FAM78B: variants seen among roughly 807,000 people sequenced by gnomAD.
FAM78B encodes the protein family with sequence similarity 78 member B, also known as protein FAM78B.
FAM78B carries 10 observed loss-of-function variants against 20.0 expected under a neutral mutation model. The observed-to-expected ratio is 0.50, with a 90% CI of 0.31 to 0.85. FAM78B has a LOEUF of 0.85. Ranked by LOEUF, FAM78B falls within the 40% of genes least tolerant of loss-of-function variation. The pLI is 0.05. For synonymous variants in FAM78B, 135 were observed against 132.8 expected (o/e 1.02, Z -0.12); for missense variants, 283 against 345.0 (o/e 0.82, Z 1.42).
At chr1:166,088,034 G>C (rs1385215543) in intron 1 of FAM78B, among the ~76,000 whole-genome samples, 2 of 152,090 alleles carry the variant, frequency 1.3e-5, no homozygotes, top group Non-Finnish European at 2.9e-5. Context: ...AAGTCAGCCT[G>C]CCCCAACGCA....
chr1:166,116,958 G>T (rs1397070522), intron 1 of FAM78B, among the ~76,000 whole-genome samples: 2 of 152,244 alleles, frequency 1.3e-5, no homozygotes, highest in South Asian at 2.1e-4. Context: ...CTTGGCTAAG[G>T]GGTCACCACA....
intron 1 of FAM78B, among the ~76,000 whole-genome samples, chr1:166,097,345 C>T (rs1055331453): frequency 2.0e-5 from 3 of 152,148 alleles, no homozygotes; most frequent in Admixed American, 6.5e-5. Flanking sequence ...TTGAATAGGG[C>T]GAGAAGCCTC....
At chr1:166,121,198 G>A (rs1006396741) in intron 1 of FAM78B, among the ~76,000 whole-genome samples, 8 of 152,144 alleles carry the variant, frequency 5.3e-5, no homozygotes, top group African/African-American at 1.7e-4. Flanking sequence ...AACACACATC[G>A]GTGTGGACAC....
At chr1:166,086,979 G>C (rs1043300824) in intron 1 of FAM78B, 2 of 152,192 alleles carry the variant, frequency 1.3e-5, no homozygotes, top group Non-Finnish European at 2.9e-5. Flanking sequence ...TGAGATGTCT[G>C]TCTCAGTGAT....
chr1:166,094,868 AG>A (rs1653216438), intron 1 of FAM78B, among the ~76,000 whole-genome samples: 1 of 152,180 alleles, frequency 6.6e-6, no homozygotes, highest in South Asian at 2.1e-4. Context: ...TGAATGCTGG[AG>A]GGTTTAGAGC....
chr1:166,096,573 T>C (rs1006274612), intron 1 of FAM78B, among the ~76,000 whole-genome samples: 13 of 152,244 alleles, frequency 8.5e-5, no homozygotes, highest in Admixed American at 5.2e-4. Context: ...CTATGTGACC[T>C]AGGGCGAGTC....
intron 1 of FAM78B, among the ~76,000 whole-genome samples, chr1:166,130,340 C>T (rs185090040): frequency 1.5e-3 from 225 of 152,308 alleles, no homozygotes; most frequent in Non-Finnish European, 2.6e-3. Flanking sequence ...TCTGCTTCTA[C>T]GTAAGTATAG....
downstream of FAM78B, among the ~76,000 whole-genome samples, chr1:166,067,278 G>A (rs931447581): frequency 1.3e-5 from 2 of 152,070 alleles, no homozygotes; most frequent in African/African-American, 4.8e-5. Flanking sequence ...AATTTAACGA[G>A]GCCTCAAATT....
chr1:166,117,364 TTTA>T (rs1158857465), intron 1 of FAM78B, among the ~76,000 whole-genome samples: 1 of 152,176 alleles, frequency 6.6e-6, no homozygotes, highest in Non-Finnish European at 1.5e-5. Flanking sequence ...CTTTTTTTCT[TTTA>T]TTATTATTTT....
At chr1:166,098,503 G>A (rs1207046105) in intron 1 of FAM78B, among the ~76,000 whole-genome samples, 3 of 152,028 alleles carry the variant, frequency 2.0e-5, no homozygotes, top group Admixed American at 1.3e-4. Context: ...GACACAAAAA[G>A]TGAAGGGAGA....
rs1375779960 is a variant in FAM78B, at chr1:166,069,668, C to G, written c.*573G>C. On this transcript the variant is annotated 3_prime_UTR_variant, in exon 2 of 2. Transcript: ENST00000354422. ...CAAATATCAGTATTTGTCTAGTTTT[C>G]TAAGCATTCATTCCATTGAGTGTGT... The G allele has an allele frequency of 1.3e-5, 2 of 152,270 alleles. No homozygotes were observed. Among genetic ancestry groups the G allele is most frequent in the Non-Finnish European group, 2.9e-5 (2 of 68,076 alleles). 9.4% of individuals were successfully genotyped at this position (152,270 alleles called of 1,614,324 possible).
At chr1:166,112,406 A>G (rs1383386769) in intron 1 of FAM78B, among the ~76,000 whole-genome samples, 1 of 152,236 alleles carries the variant, frequency 6.6e-6, no homozygotes, top group African/African-American at 2.4e-5. Context: ...TTAGGTCAAC[A>G]GTCTGAATTA....
intron 1 of FAM78B, among the ~76,000 whole-genome samples, chr1:166,163,485 A>G (rs1264214844): frequency 2.0e-5 from 3 of 152,234 alleles, no homozygotes; most frequent in Admixed American, 6.5e-5. Context: ...CCTCTGGCAC[A>G]ATCCTTTTCA....
At chr1:166,164,005 C>T (rs1246386884) in intron 1 of FAM78B, among the ~76,000 whole-genome samples, 1 of 152,210 alleles carries the variant, frequency 6.6e-6, no homozygotes, top group Non-Finnish European at 1.5e-5. Flanking sequence ...AAGTTGGTTC[C>T]AGTGAGGACA....
intron 1 of FAM78B, among the ~76,000 whole-genome samples, chr1:166,071,841 C>T (rs1557888214): frequency 6.6e-6 from 1 of 152,106 alleles, no homozygotes; most frequent in South Asian, 2.1e-4. Flanking sequence ...TTACACAGCG[C>T]TGGAGGGAGT....
intron 1 of FAM78B, among the ~76,000 whole-genome samples, chr1:166,070,987 T>C (rs916637953): frequency 2.6e-5 from 4 of 152,166 alleles, no homozygotes; most frequent in South Asian, 2.1e-4. Flanking sequence ...AATACAACCA[T>C]GGCTGACCCA....
Position 166,070,525 on chromosome 1 carries a change from T to G in FAM78B, c.502A>C (p.Ser168Arg). 6.2e-7 allele frequency: 1 copy of G among 1,614,110 alleles called. No homozygotes were observed. Among genetic ancestry groups the G allele is most frequent in the Non-Finnish European group, 8.5e-7 (1 of 1,179,998 alleles). ...ATGGCCACCAGCCAGGTCGTGAAAC[T>G]TTGGTCTCTCTTGATTCTTGTGAGC... ...PLLTRIKRDQ[S>R]FTTWLVAMNT... The change falls in exon 2 of 2, where the codon AGT becomes CGT. Residue 168 changes from serine (S) to arginine (R), a missense_variant. Physicochemically the swap from Ser to Arg is moderately radical, Grantham distance 110. Coordinates refer to ENST00000354422, the MANE Select transcript of FAM78B (RefSeq NM_001017961.5).
At chr1:166,066,546 C>T (rs542425318), downstream of FAM78B, among the ~76,000 whole-genome samples, 4 of 152,232 alleles carry the variant, frequency 2.6e-5, 1 homozygote, top group South Asian at 6.2e-4. Flanking sequence ...TGGCTCCTGA[C>T]ATTTTGTTTG....
intron 1 of FAM78B, among the ~76,000 whole-genome samples, chr1:166,151,560 A>G (rs549775517): frequency 1.3e-5 from 2 of 152,270 alleles, no homozygotes; most frequent in Admixed American, 6.5e-5. Flanking sequence ...AGTTTGTCCA[A>G]TTGTTGGCCT....
Sources: allele counts gnomAD v4.1 joint callset (sites outside exome capture counted in the v4.1 genomes callset), GRCh38; gene constraint gnomAD v4.1.1; transcripts MANE v1.5; gene names NCBI Gene and HGNC (gene_info 2026-07-23, HGNC 2026-07-21).